PIK3CB: variants seen among roughly 807,000 people sequenced by gnomAD.
PIK3CB encodes phosphatidylinositol 4,5-bisphosphate 3-kinase catalytic subunit beta isoform.
Under a neutral mutation model 136.8 loss-of-function variants are expected in PIK3CB, and 39 were observed. The observed-to-expected ratio is 0.29, with a 90% CI of 0.22 to 0.37. The LOEUF is 0.37. Among genes scored for constraint, PIK3CB ranks in the 10% least tolerant of loss-of-function variants. The pLI, the probability that PIK3CB is intolerant of heterozygous loss-of-function variation, is 1.00. For synonymous variants in PIK3CB, 428 were observed against 436.6 expected (o/e 0.98, Z 0.25); for missense variants, 868 against 1,275.4 (o/e 0.68, Z 4.87).
rs562625535 is a variant in PIK3CB at position 138,655,136 on chromosome 3, G to C, written c.*253C>G. 5.0e-5 allele frequency: 22 copies of C among 440,252 alleles called. No homozygotes were observed. In the South Asian group the frequency reaches 8.1e-4, roughly 16 times the overall value. 27.3% of individuals were successfully genotyped at this position (440,252 alleles called of 1,614,324 possible). Reference sequence around the variant, plus strand: ...ACAATCCCTAGTAGCATTCCTTGGCGTGCAAAGTCAGCAGGAAATGATTAT... The same window carrying C: ...ACAATCCCTAGTAGCATTCCTTGGCCTGCAAAGTCAGCAGGAAATGATTAT... On this transcript the variant is annotated 3_prime_UTR_variant, in exon 24 of 24. Coordinates refer to ENST00000674063, the MANE Select transcript of PIK3CB (RefSeq NM_006219.3).
chr3:138,800,896 G>C (rs918442187), intron 1 of PIK3CB, among the ~76,000 whole-genome samples: 2 of 152,074 alleles, frequency 1.3e-5, no homozygotes, highest in Non-Finnish European at 2.9e-5. Flanking sequence ...AAAGTACTGG[G>C]ATTATAGGCG....
At chr3:138,658,549 G>T (rs995188309) in intron 21 of PIK3CB, among the ~76,000 whole-genome samples, 2 of 152,032 alleles carry the variant, frequency 1.3e-5, no homozygotes, top group African/African-American at 4.8e-5. Flanking sequence ...CTCACTAGGT[G>T]TTTTTCCTGG....
At chr3:138,709,305 AT>A (rs2044445662) in intron 10 of PIK3CB, among the ~76,000 whole-genome samples, 1 of 136,998 alleles carries the variant, frequency 7.3e-6, no homozygotes, top group Admixed American at 7.9e-5. Context: ...AAAAAAAAAA[AT>A]CTAACAGTCC....
intron 1 of PIK3CB, chr3:138,825,364 CT>C: frequency 1.8e-6 from 1 of 571,380 alleles, no homozygotes; most frequent in South Asian, 2.3e-5. Flanking sequence ...GCCCTTCTGG[CT>C]TATATGCTGA....
In PIK3CB at chr3:138,737,769, C is replaced by T; in HGVS notation, c.739G>A (p.Val247Met). The T allele has an allele frequency of 1.2e-6, 2 of 1,612,214 alleles. No homozygotes were observed. The highest frequency in any genetic ancestry group is 1.7e-6 in the Non-Finnish European group (2 of 1,179,034). ...KEDEVSPYDY[V>M]LQVSGRVEYV... ...TCTACTCTCCCGCTGACTTGCAACA[C>T]ATAATCATAGGGGCTAACTTCATCT... The change falls in exon 6 of 24, where the codon GTG (valine) becomes ATG (methionine). Residue 247 changes from valine to methionine, a missense_variant. Physicochemically the swap from Val to Met is conservative, Grantham distance 21 (BLOSUM62 1). This residue lies in a region of PIK3CB where 612 missense variants were observed against 801.1 expected (regional missense o/e 0.76). Transcript: ENST00000674063.
chr3:138,828,283 T>C (rs890839958), intron 1 of PIK3CB, among the ~76,000 whole-genome samples: 1 of 151,070 alleles, frequency 6.6e-6, no homozygotes. Flanking sequence ...CCTCCCGGGT[T>C]GACGCCATTC....
At chr3:138,804,453 T>C (rs1209147829) in intron 1 of PIK3CB, among the ~76,000 whole-genome samples, 1 of 152,054 alleles carries the variant, frequency 6.6e-6, no homozygotes, top group East Asian at 1.9e-4. Flanking sequence ...AGGTTGAGGC[T>C]GCAGTGAGCC....
In PIK3CB at chr3:138,682,096, G is replaced by C. The variant is rs776409136; in HGVS notation, c.2426-51C>G. 8.3e-6 allele frequency: 9 copies of C among 1,082,386 alleles called. No individual in the cohort carries two copies. In the East Asian group the frequency reaches 2.1e-4, roughly 26 times the overall value. The allele number at this position is 1,082,386 out of a possible 1,614,324, so 67.0% of individuals were successfully genotyped here. A position where few individuals can be genotyped will look rare whatever the true frequency, so the allele number is the denominator to read the frequency against. ...ACAAGTGCTTTTCCTTTTATGCCCT[G>C]TAACTCATTAATTCAAGACTAACTC... On this transcript the variant is annotated intron_variant, in intron 18 of 23. Transcript: ENST00000674063.
At chr3:138,757,390 G>A (rs1045100033) in intron 3 of PIK3CB, among the ~76,000 whole-genome samples, 2 of 151,236 alleles carry the variant, frequency 1.3e-5, no homozygotes, top group South Asian at 2.1e-4. Context: ...GCGACAGAGC[G>A]AGACTCCGTC....
chr3:138,767,303 G>A (rs1437182796), intron 2 of PIK3CB, among the ~76,000 whole-genome samples: 2 of 152,188 alleles, frequency 1.3e-5, no homozygotes, highest in Non-Finnish European at 2.9e-5. Flanking sequence ...ACTTCAGGAT[G>A]TTTGATTATC....
chr3:138,688,826 C>T (rs578226538), intron 16 of PIK3CB, 49 bp downstream of exon 16: 35 of 1,112,768 alleles, frequency 3.1e-5, no homozygotes, highest in African/African-American at 1.2e-4. Context: ...ATGCTTTAAA[C>T]GTTGTCTGTC....
chr3:138,741,554 T>C (rs2045244655), intron 5 of PIK3CB, among the ~76,000 whole-genome samples: 2 of 152,156 alleles, frequency 1.3e-5, no homozygotes, highest in African/African-American at 4.8e-5. Flanking sequence ...TCTGGCTGTG[T>C]GCAGTGGCTC....
At chr3:138,799,047 C>T (rs2046140568) in intron 1 of PIK3CB, among the ~76,000 whole-genome samples, 1 of 152,022 alleles carries the variant, frequency 6.6e-6, no homozygotes, top group Admixed American at 6.6e-5. Flanking sequence ...CATGGCGAAA[C>T]CCAATCTCTA....
chr3:138,738,945 C>T (rs2045176453), intron 5 of PIK3CB, among the ~76,000 whole-genome samples: 1 of 152,170 alleles, frequency 6.6e-6, no homozygotes, highest in Admixed American at 6.6e-5. Flanking sequence ...CTTACTATTT[C>T]ACATCTATTT....
At chr3:138,694,732 C>T (rs1190681522) in intron 14 of PIK3CB, 54 bp downstream of exon 14, 3 of 1,591,734 alleles carry the variant, frequency 1.9e-6, no homozygotes, top group Non-Finnish European at 2.6e-6. Flanking sequence ...CACCCTCATC[C>T]CAAACCCACC....
chr3:138,744,348 T>C (rs1396113820), intron 4 of PIK3CB, among the ~76,000 whole-genome samples: 3 of 129,200 alleles, frequency 2.3e-5, no homozygotes, highest in Non-Finnish European at 4.6e-5. Context: ...TCAGCCGAGA[T>C]TGTGTCACTG....
intron 2 of PIK3CB, among the ~76,000 whole-genome samples, chr3:138,772,435 G>A (rs2045810581): frequency 6.6e-6 from 1 of 151,886 alleles, no homozygotes; most frequent in Non-Finnish European, 1.5e-5. Flanking sequence ...AATTTATTCT[G>A]TATTTTTAAA....
At chr3:138,732,462 G>C (rs911697942) in intron 8 of PIK3CB, among the ~76,000 whole-genome samples, 3 of 152,070 alleles carry the variant, frequency 2.0e-5, no homozygotes, top group African/African-American at 7.2e-5. Context: ...ATATCTTCAA[G>C]CAACAAACAT....
At chr3:138,699,943 T>C (rs1163778666) in intron 12 of PIK3CB, among the ~76,000 whole-genome samples, 1 of 152,128 alleles carries the variant, frequency 6.6e-6, no homozygotes, top group African/African-American at 2.4e-5. Flanking sequence ...GGCTCACGCC[T>C]GTAATCCCAG....
Sources: allele counts gnomAD v4.1 joint callset (sites outside exome capture counted in the v4.1 genomes callset), GRCh38; gene constraint gnomAD v4.1.1; regional missense constraint gnomAD v4.1.1; transcripts MANE v1.5; gene names NCBI Gene and HGNC (gene_info 2026-07-23, HGNC 2026-07-21).